Variants in CNTNAP5 observed in about 807,000 individuals in gnomAD.
CNTNAP5 encodes the protein contactin-associated protein-like 5.
A neutral mutation model predicts 150.2 loss-of-function variants in CNTNAP5; 72 were observed. The observed-to-expected ratio is 0.48, with a 90% CI of 0.40 to 0.58. CNTNAP5 has a LOEUF of 0.58. Ranked by LOEUF, CNTNAP5 falls within the 20% of genes least tolerant of loss-of-function variation. The pLI is 0.00. For missense variants in CNTNAP5, 1,636 were observed against 1,626.2 expected (o/e 1.01, Z -0.10); for synonymous variants, 672 against 619.8 (o/e 1.08, Z -1.25).
Position 124,524,296 on chromosome 2 carries a change from C to T in CNTNAP5, c.1328-7C>T, listed in dbSNP as rs7584392. On this transcript the variant is annotated splice_polypyrimidine_tract_variant and splice_region_variant and intron_variant, in intron 8 of 23. Transcript: ENST00000682447. ...TCTCTATGCTTACTCTCTTGTTTCTCTTGCAGGCAGCAACTTGAATGATGG... is the reference window on the plus strand; with the variant it reads ...TCTCTATGCTTACTCTCTTGTTTCTTTTGCAGGCAGCAACTTGAATGATGG... The T allele has an allele frequency of 1.3e-3, 2,018 of 1,613,630 alleles. 35 individuals carry two copies. The African/African-American group carries it at 0.024, about 19-fold the overall frequency.
chr2:124,710,992 G>A (rs1434012615), intron 13 of CNTNAP5, among the ~76,000 whole-genome samples: 2 of 152,198 alleles, frequency 1.3e-5, no homozygotes, highest in African/African-American at 4.8e-5. Flanking sequence ...TCTCCTATAA[G>A]CTGGGCACGG....
At chr2:124,502,859 G>C (rs1470107524) in intron 7 of CNTNAP5, among the ~76,000 whole-genome samples, 1 of 152,172 alleles carries the variant, frequency 6.6e-6, no homozygotes, top group Non-Finnish European at 1.5e-5. Context: ...CTCCAAGTTA[G>C]ACAAACATGG....
At chr2:124,694,163 TTC>T in intron 13 of CNTNAP5, among the ~76,000 whole-genome samples, 1 of 152,314 alleles carries the variant, frequency 6.6e-6, no homozygotes, top group South Asian at 2.1e-4. Flanking sequence ...CTCAGTAAGT[TTC>T]TTCAAATGAA....
intron 8 of CNTNAP5, among the ~76,000 whole-genome samples, chr2:124,521,711 CTA>C (rs1275163246): frequency 6.6e-6 from 1 of 152,170 alleles, no homozygotes; most frequent in African/African-American, 2.4e-5. Flanking sequence ...CCCTTCCAGT[CTA>C]GAGTTTACCT....
chr2:124,040,621 C>CTGTCTG (rs1553431803), intron 1 of CNTNAP5, among the ~76,000 whole-genome samples: 2 of 145,040 alleles, frequency 1.4e-5, no homozygotes, highest in Non-Finnish European at 3.0e-5. Context: ...CTGTATGCCT[C>CTGTCTG]TGTGTGTGTG....
chr2:124,155,676 G>A (rs577362612), intron 1 of CNTNAP5, among the ~76,000 whole-genome samples: 1 of 152,266 alleles, frequency 6.6e-6, no homozygotes, highest in Non-Finnish European at 1.5e-5. Context: ...TCAGGGAAAT[G>A]TAGATATATA....
At chr2:124,107,957 CAA>C (rs1416103373) in intron 1 of CNTNAP5, among the ~76,000 whole-genome samples, 1 of 152,162 alleles carries the variant, frequency 6.6e-6, no homozygotes, top group Admixed American at 6.5e-5. Context: ...AGATAAAAGA[CAA>C]AAGGTTGCAT....
intron 14 of CNTNAP5, among the ~76,000 whole-genome samples, chr2:124,748,415 T>A (rs1680653686): frequency 6.6e-6 from 1 of 152,180 alleles, no homozygotes; most frequent in Admixed American, 6.5e-5. Flanking sequence ...TCTTCTTTTA[T>A]CCTCCAGGTG....
intron 12 of CNTNAP5, among the ~76,000 whole-genome samples, chr2:124,621,849 G>A (rs910563117): frequency 6.6e-6 from 1 of 152,130 alleles, no homozygotes; most frequent in South Asian, 2.1e-4. Context: ...GTATCATATA[G>A]CAAAGTAAGT....
intron 3 of CNTNAP5, among the ~76,000 whole-genome samples, chr2:124,276,674 T>G (rs2104618431): frequency 6.6e-6 from 1 of 152,300 alleles, no homozygotes; most frequent in African/African-American, 2.4e-5. Flanking sequence ...CCCCCACGAT[T>G]CATCTATAAA....
At chr2:124,086,221 G>A (rs1483819393) in intron 1 of CNTNAP5, among the ~76,000 whole-genome samples, 2 of 109,014 alleles carry the variant, frequency 1.8e-5, no homozygotes, top group Non-Finnish European at 3.5e-5. Flanking sequence ...TTTTGAAACC[G>A]AGTCTTGCTC....
intron 3 of CNTNAP5, among the ~76,000 whole-genome samples, chr2:124,324,504 C>T (rs61453543): frequency 0.22 from 32,978 of 152,026 alleles, 3,851 homozygotes; most frequent in Middle Eastern, 0.28. Flanking sequence ...AAGAAGAATG[C>T]CTGGAGTGCT....
intron 1 of CNTNAP5, among the ~76,000 whole-genome samples, chr2:124,145,835 A>AAAAAAAAAAAAAAAAAAAAAAAAAG (rs1684235103): frequency 2.0e-5 from 1 of 49,798 alleles, no homozygotes; most frequent in Non-Finnish European, 3.5e-5. Context: ...AAAAGAAGAA[A>AAAAAAAAAAAAAAAAAAAAAAAAAG]AAAAAAAAAA....
intron 13 of CNTNAP5, among the ~76,000 whole-genome samples, chr2:124,685,425 C>T (rs1344705979): frequency 6.7e-6 from 1 of 149,748 alleles, no homozygotes; most frequent in Non-Finnish European, 1.5e-5. Context: ...AAGGCTAAGG[C>T]AGCTGATAAA....
At chr2:124,171,097 C>T (rs192025603) in intron 1 of CNTNAP5, among the ~76,000 whole-genome samples, 89 of 152,270 alleles carry the variant, frequency 5.8e-4, no homozygotes, top group Non-Finnish European at 1.0e-3. Flanking sequence ...GGCTGTCACT[C>T]AGATAGAAAG....
intron 2 of CNTNAP5, among the ~76,000 whole-genome samples, chr2:124,231,127 C>T (rs1338418401): frequency 6.6e-6 from 1 of 152,174 alleles, no homozygotes; most frequent in African/African-American, 2.4e-5. Context: ...GCATTAACAG[C>T]TGGTGCTTCT....
chr2:124,845,007 T>C (rs1683018603), intron 19 of CNTNAP5, among the ~76,000 whole-genome samples: 1 of 152,028 alleles, frequency 6.6e-6, no homozygotes, highest in Non-Finnish European at 1.5e-5. Flanking sequence ...AGGACTTCCA[T>C]TACTATGTTA....
intron 21 of CNTNAP5, among the ~76,000 whole-genome samples, chr2:124,884,872 A>G (rs1400746574): frequency 1.3e-5 from 2 of 151,984 alleles, no homozygotes; most frequent in African/African-American, 4.8e-5. Context: ...GGGGGATATA[A>G]AGGGTACTTT....
intron 13 of CNTNAP5, among the ~76,000 whole-genome samples, chr2:124,683,437 T>C (rs939634337): frequency 1.3e-5 from 2 of 152,106 alleles, no homozygotes; most frequent in Non-Finnish European, 2.9e-5. Context: ...TTTGGTTTCA[T>C]GGATAAGTTT....
Sources: gnomAD v4.1 joint callset for allele counts (sites outside exome capture counted in the v4.1 genomes callset) on GRCh38, gnomAD v4.1.1 for gene constraint, MANE v1.5 for transcripts, NCBI Gene and HGNC (gene_info 2026-07-23, HGNC 2026-07-21) for gene names.